Variants in CAPN7 observed in about 807,000 individuals in gnomAD.
CAPN7 encodes calpain-7.
CAPN7 carries 72 observed loss-of-function variants against 115.2 expected under a neutral mutation model. The ratio of observed to expected loss-of-function variants is 0.63; its 90% CI spans 0.52 to 0.76. CAPN7 has a LOEUF of 0.76. Among genes scored for constraint, CAPN7 ranks in the 30% least tolerant of loss-of-function variants. The pLI, the probability that CAPN7 is intolerant of heterozygous loss-of-function variation, is 0.00. For synonymous variants in CAPN7, 344 were observed against 322.3 expected (o/e 1.07, Z -0.72); for missense variants, 905 against 971.5 (o/e 0.93, Z 0.91).
In CAPN7 at chr3:15,251,161, C is replaced by T. The variant is rs1695985432; in HGVS notation, c.2343C>T (p.Ile781=). ...YLELENIPSG[I]FNIIPSTFLP... ...AATTAGAAAATATACCTTCTGGGAT[C>T]TTCAATATCATTCCTAGTACCTTTT... The change falls in exon 21 of 21, where the codon ATC becomes ATT. Residue 781 remains isoleucine (I), a synonymous_variant. Coordinates refer to ENST00000253693, the MANE Select transcript of CAPN7 (RefSeq NM_014296.3). 6.2e-7 allele frequency: 1 copy of T among 1,607,790 alleles called. No individual in the cohort carries two copies.
At chr3:15,248,004 A>G (rs529505129) in intron 19 of CAPN7, among the ~76,000 whole-genome samples, 95 of 149,478 alleles carry the variant, frequency 6.4e-4, no homozygotes, top group African/African-American at 2.3e-3. Context: ...GAAGGGGAAT[A>G]TCACACTCTG....
At chr3:15,231,806 G>C (rs1278961439) in intron 9 of CAPN7, among the ~76,000 whole-genome samples, 1 of 152,142 alleles carries the variant, frequency 6.6e-6, no homozygotes, top group African/African-American at 2.4e-5. Context: ...GGGATTACAG[G>C]CGTGAGCCAC....
intron 6 of CAPN7, among the ~76,000 whole-genome samples, chr3:15,226,845 A>T (rs572715860): frequency 6.6e-6 from 1 of 152,122 alleles, no homozygotes; most frequent in East Asian, 1.9e-4. Context: ...AGTATCTGTC[A>T]GCATTCTTTG....
intron 1 of CAPN7, chr3:15,210,806 A>G (rs2044896963): frequency 2.3e-6 from 3 of 1,289,448 alleles, no homozygotes; most frequent in African/African-American, 3.0e-5. Context: ...TGTTAGGTTC[A>G]GTGAAACAAC....
chr3:15,227,128 G>C (rs1438366351), intron 6 of CAPN7, among the ~76,000 whole-genome samples: 3 of 146,742 alleles, frequency 2.0e-5, no homozygotes, highest in African/African-American at 7.8e-5. Context: ...AAAAAAAAAA[G>C]TTTAGGGAAA....
chr3:15,209,091 A>C (rs183126609), intron 1 of CAPN7, among the ~76,000 whole-genome samples: 1 of 151,604 alleles, frequency 6.6e-6, no homozygotes, highest in Middle Eastern at 3.4e-3. Flanking sequence ...ACTCGCTGCA[A>C]CCTCCACCTC....
rs1312729135 is a variant in CAPN7 at position 15,245,594 on chromosome 3, A to G, written c.1933A>G (p.Thr645Ala). ...SPHYLTKIKL[T>A]TPGTHTFTLV... ...TCATTATTTGACTAAGATAAAGCTG[A>G]CCACACCTGGCACCCATACCTTTAC... Residue 645 changes from threonine to alanine, a missense_variant, in exon 17 of 21, where the codon ACC becomes GCC. Physicochemically the swap from Thr to Ala is moderately conservative, Grantham distance 58. Transcript: ENST00000253693. 1.9e-6 allele frequency: 3 copies of G among 1,614,000 alleles called. No individual in the cohort carries two copies. The highest frequency in any genetic ancestry group is 2.2e-5 in the South Asian group (2 of 91,078).
intron 2 of CAPN7, among the ~76,000 whole-genome samples, chr3:15,213,777 T>C (rs979471306): frequency 1.3e-5 from 2 of 152,026 alleles, no homozygotes; most frequent in African/African-American, 4.8e-5. Context: ...TTTTGGGAAA[T>C]AAATTCTAAA....
At chr3:15,236,387 A>G (rs1395589385) in intron 12 of CAPN7, among the ~76,000 whole-genome samples, 1 of 152,186 alleles carries the variant, frequency 6.6e-6, no homozygotes. Context: ...GATTTGTTCT[A>G]TGGATTCAAA....
intron 8 of CAPN7, 23 bp downstream of exon 8, chr3:15,229,082 C>T: frequency 1.3e-6 from 2 of 1,541,456 alleles, no homozygotes; most frequent in Non-Finnish European, 1.8e-6. Flanking sequence ...CTCTCTTTAC[C>T]TCTTTTTGTG....
chr3:15,246,617 C>A, intron 17 of CAPN7, 115 bp from the exon 18 acceptor site: 1 of 725,258 alleles, frequency 1.4e-6, no homozygotes, highest in South Asian at 1.7e-5. Flanking sequence ...TACTAGGCTG[C>A]CTATAATGAC....
chr3:15,206,517 C>G lies in CAPN7; in HGVS notation c.22C>G (p.Arg8Gly). The G allele has an allele frequency of 3.9e-6, 6 of 1,553,050 alleles. No homozygotes were observed. Among genetic ancestry groups the G allele is most frequent in the African/African-American group, 1.4e-5 (1 of 72,816 alleles). The change falls in exon 1 of 21, where the codon CGG (arginine) becomes GGG (glycine). Residue 8 changes from arginine (R) to glycine (G), a missense_variant. Physicochemically the swap from Arg to Gly is moderately radical, Grantham distance 125 (BLOSUM62 -2). This residue lies in a region of CAPN7 where 271 missense variants were observed against 239.6 expected (regional missense o/e 1.13). Transcript: ENST00000253693. MDATALE[R>G]DAVQFARLAV... Reference sequence around the variant, plus strand: ...CGCCATGGACGCCACAGCACTGGAGCGGGACGCTGTGCAGTTCGCCCGTCT... The same window carrying G: ...CGCCATGGACGCCACAGCACTGGAGGGGGACGCTGTGCAGTTCGCCCGTCT...
chr3:15,241,376 C>T (rs1695339075), intron 14 of CAPN7, 77 bp from the exon 15 acceptor site: 2 of 1,436,470 alleles, frequency 1.4e-6, no homozygotes, highest in African/African-American at 1.4e-5. Context: ...TAGCTTAATT[C>T]ACTTTTTGAA....
rs1163904871 is a variant in CAPN7 at position 15,252,548 on chromosome 3, C to T, written c.*1288C>T. 1 of 151,978 alleles carries T rather than the reference C, an allele frequency of 6.6e-6. No individual in the cohort carries two copies. The highest frequency in any genetic ancestry group is 2.1e-4 in the South Asian group (1 of 4,824). The allele number at this position is 151,978 out of a possible 1,614,324, so 9.4% of individuals were successfully genotyped here. On this transcript the variant is annotated 3_prime_UTR_variant, in exon 21 of 21. Coordinates refer to ENST00000253693, the MANE Select transcript of CAPN7 (RefSeq NM_014296.3). ...TGTTACTTTTTAAAAAGAAAAAATC[C>T]AGAACATAAGAACTATATTATGAAC...
In CAPN7 at chr3:15,251,292, T is replaced by G. The variant is rs982078432; in HGVS notation, c.*32T>G. 1.4e-5 allele frequency: 21 copies of G among 1,533,914 alleles called. No individual in the cohort carries two copies. The highest frequency in any genetic ancestry group is 1.8e-5 in the Non-Finnish European group (20 of 1,138,156). Reference sequence around the variant, plus strand: ...AATCTCAAGTTACTGGCTTTTATACTTACCAAACATCAGTTCTTCAAATAA... The same window carrying G: ...AATCTCAAGTTACTGGCTTTTATACGTACCAAACATCAGTTCTTCAAATAA... On this transcript the variant is annotated 3_prime_UTR_variant, in exon 21 of 21. Coordinates refer to ENST00000253693, the MANE Select transcript of CAPN7 (RefSeq NM_014296.3).
chr3:15,224,058 C>T (rs1027439738), intron 6 of CAPN7, among the ~76,000 whole-genome samples: 4 of 152,082 alleles, frequency 2.6e-5, no homozygotes, highest in African/African-American at 9.7e-5. Flanking sequence ...GTAAGGAAAT[C>T]AACAGTCAAA....
intron 19 of CAPN7, 69 bp from the exon 20 acceptor site, chr3:15,250,862 A>T (rs762323663): frequency 5.3e-6 from 6 of 1,127,796 alleles, no homozygotes; most frequent in Non-Finnish European, 7.9e-6. Context: ...TGCACTTCAG[A>T]TAAAGTTATT....
At chr3:15,225,593 C>T (rs1694267640) in intron 6 of CAPN7, among the ~76,000 whole-genome samples, 1 of 152,122 alleles carries the variant, frequency 6.6e-6, no homozygotes, top group Non-Finnish European at 1.5e-5. Flanking sequence ...ATGCAGACTC[C>T]CTTAATTTAG....
chr3:15,217,604 G>A lies in CAPN7; in HGVS notation c.369+22G>A, dbSNP rs182284030. The A allele has an allele frequency of 1.9e-4, 297 of 1,586,874 alleles. 1 individual carries two copies. Among genetic ancestry groups the A allele is most frequent in the Admixed American group, 1.4e-3 (77 of 56,836 alleles). On this transcript the variant is annotated intron_variant, in intron 3 of 20. Coordinates refer to ENST00000253693, the MANE Select transcript of CAPN7 (RefSeq NM_014296.3). ...AACAGTGTGTATAGCTACAAATTAC[G>A]TTTGATGAGTTATGCCAAACCATTT...
Sources: gnomAD v4.1 joint callset for allele counts (sites outside exome capture counted in the v4.1 genomes callset) on GRCh38, gnomAD v4.1.1 for gene constraint, gnomAD v4.1.1 regional missense constraint, MANE v1.5 for transcripts, NCBI Gene and HGNC (gene_info 2026-07-23, HGNC 2026-07-21) for gene names.